Variants in DYNC2H1 observed in about 807,000 individuals in gnomAD.
DYNC2H1 encodes dynein cytoplasmic 2 heavy chain 1, also known as cytoplasmic dynein 2 heavy chain 1.
Under a neutral mutation model 570.0 loss-of-function variants are expected in DYNC2H1, and 410 were observed. That is an observed-to-expected ratio of 0.72 (90% confidence interval 0.66 to 0.78). The LOEUF is 0.78. Among genes scored for constraint, DYNC2H1 ranks in the 30% least tolerant of loss-of-function variants. The pLI is 0.00. For missense variants in DYNC2H1, 4,865 were observed against 5,046.4 expected, an observed-to-expected ratio of 0.96 and a Z score of 1.09; for synonymous variants, 1,688 against 1,677.6, an observed-to-expected ratio of 1.01 and a Z score of -0.15.
At chr11:103,340,311 G>C (rs1939381539) in intron 82 of DYNC2H1, among the ~76,000 whole-genome samples, 1 of 152,020 alleles carries the variant, frequency 6.6e-6, no homozygotes, top group Admixed American at 6.6e-5. Flanking sequence ...GCATTCTACA[G>C]ATAGGGAAGC....
intron 85 of DYNC2H1, among the ~76,000 whole-genome samples, chr11:103,449,516 T>C (rs1944528875): frequency 6.6e-6 from 1 of 152,206 alleles, no homozygotes; most frequent in Non-Finnish European, 1.5e-5. Context: ...AATTGATCCA[T>C]TGTTTAAAGA....
chr11:103,404,622 G>C (rs969984207), intron 84 of DYNC2H1: 1 of 150,168 alleles, frequency 6.7e-6, no homozygotes, highest in Non-Finnish European at 1.5e-5. Context: ...GTGGATTTTA[G>C]CCTATCTGAT....
intron 70 of DYNC2H1, among the ~76,000 whole-genome samples, chr11:103,267,389 A>G (rs1016513719): frequency 6.7e-6 from 1 of 148,500 alleles, no homozygotes; most frequent in Non-Finnish European, 1.5e-5. Context: ...CACTCTGTAT[A>G]TTTTCCTTGT....
At chr11:103,414,799 A>AAAAT (rs1367493330) in intron 84 of DYNC2H1, among the ~76,000 whole-genome samples, 4 of 152,220 alleles carry the variant, frequency 2.6e-5, no homozygotes, top group South Asian at 2.1e-4. Context: ...CAAAGAGAGT[A>AAAAT]AAATACCTAA....
chr11:103,316,595 C>T lies in DYNC2H1; in HGVS notation c.11700C>T (p.Tyr3900=). Residue 3900 remains tyrosine, a synonymous_variant, in exon 80 of 89, where the codon TAC becomes TAT. Coordinates refer to ENST00000375735, the MANE Select transcript of DYNC2H1 (RefSeq NM_001377.3). The part of the protein sequence containing the change: ...EFSLSDLRAG[Y]NIIDRLFDGA... The stretch of plus-strand genomic sequence containing the variant: ...CTTTATCAGATCTTCGGGCTGGGTA[C>T]AACATTATTGACAGACTTTTTGATG... 1.3e-6 allele frequency: 2 copies of T among 1,552,196 alleles called. No homozygotes were observed. Among genetic ancestry groups the T allele is most frequent in the South Asian group, 1.3e-5 (1 of 79,026 alleles).
At chr11:103,235,591 T>A in intron 61 of DYNC2H1, 81 bp from the exon 62 acceptor site, 1 of 1,349,544 alleles carries the variant, frequency 7.4e-7, no homozygotes, top group Non-Finnish European at 9.7e-7. Flanking sequence ...CCCCTCACAG[T>A]CAAAACCATA....
chr11:103,111,623 A>G (rs1216790737), intron 1 of DYNC2H1, among the ~76,000 whole-genome samples: 1 of 152,212 alleles, frequency 6.6e-6, no homozygotes, highest in African/African-American at 2.4e-5. Context: ...GCAGTAGGAA[A>G]GATGGAAAGG....
rs1199273696 is a variant in DYNC2H1 at position 103,215,695 on chromosome 11, TG to T, written c.8695-25del. Reference sequence around the variant, plus strand: ...GTGTAAAATTCCTTTTTTAAAATATTGCCGATCAATATTTTATTGATGTAGG... The same window carrying T: ...GTGTAAAATTCCTTTTTTAAAATATTCCGATCAATATTTTATTGATGTAGG... On this transcript the variant is annotated intron_variant, in intron 54 of 88. Coordinates refer to ENST00000375735, the MANE Select transcript of DYNC2H1 (RefSeq NM_001377.3). The T allele has an allele frequency of 3.2e-6, 5 of 1,540,576 alleles. No homozygotes were observed. The African/African-American group carries it at 6.9e-5, about 21-fold the overall frequency.
At chr11:103,234,829 T>C (rs1001346767) in intron 61 of DYNC2H1, among the ~76,000 whole-genome samples, 2 of 151,974 alleles carry the variant, frequency 1.3e-5, no homozygotes, top group African/African-American at 4.8e-5. Context: ...AAACCCAACA[T>C]GTCTAAATTA....
chr11:103,118,579 A>G (rs896365663), intron 6 of DYNC2H1, among the ~76,000 whole-genome samples: 7 of 152,086 alleles, frequency 4.6e-5, no homozygotes, highest in African/African-American at 1.2e-4. Context: ...CTTAAAACAT[A>G]ACCACAATGC....
chr11:103,303,095 C>G lies in DYNC2H1; in HGVS notation c.11098C>G (p.Leu3700Val). ...MALFACKTLGLKEVSPLPLNL... is the reference protein window; with the variant it reads ...MALFACKTLGVKEVSPLPLNL... ...AATTTTTAAAATATATATTTTAGGA[C>G]TGAAAGAGGTGTCCCCACTGCCTCT... The change falls in exon 76 of 89, where the codon CTG (leucine) becomes GTG (valine). Residue 3700 changes from leucine (L) to valine (V), a missense_variant and splice_region_variant. Leu to Val is a conservative substitution (Grantham distance 32). Transcript: ENST00000375735. 1 of 1,514,984 alleles carries G rather than the reference C, an allele frequency of 6.6e-7. No homozygotes were observed. Among genetic ancestry groups the G allele is most frequent in the Non-Finnish European group, 8.8e-7 (1 of 1,132,008 alleles). 93.8% of individuals were successfully genotyped at this position (1,514,984 alleles called of 1,614,324 possible). A position where few individuals can be genotyped will look rare whatever the true frequency, so the allele number is the denominator to read the frequency against.
rs12288481 is a variant in DYNC2H1 at position 103,151,563 on chromosome 11, C to G, written c.2947-573C>G. Among the ~76,000 whole-genome samples, 1 of 152,062 alleles carries G rather than the reference C, an allele frequency of 6.6e-6. No homozygotes were observed. The highest frequency in any genetic ancestry group is 2.1e-4 in the South Asian group (1 of 4,826). ...CTTAGAGGCAATTCCAGCAGTTTAG[C>G]ACCCATTGACCTACACCCAAACTGT... is the stretch of plus-strand genomic sequence containing the variant. On this transcript the variant is annotated intron_variant, in intron 20 of 88. Transcript: ENST00000375735. This position sits in a 1 kb window ranked among gnomAD's most constrained non-coding sequence, Gnocchi z 4.6.
Position 103,186,149 on chromosome 11 carries a change from A to C in DYNC2H1, c.6634-93A>C, listed in dbSNP as rs969632300. The C allele has an allele frequency of 8.0e-7, 1 of 1,252,718 alleles. No homozygotes were observed. Among genetic ancestry groups the C allele is most frequent in the East Asian group, 2.5e-5 (1 of 39,470 alleles). The allele number at this position is 1,252,718 out of a possible 1,614,324, so 77.6% of individuals were successfully genotyped here. ...TATGTAAAGTTTTCTTGGAACTAAGATGATTTACTTTTGGGATATTTACTT... is the reference window on the plus strand; with the variant it reads ...TATGTAAAGTTTTCTTGGAACTAAGCTGATTTACTTTTGGGATATTTACTT... On this transcript the variant is annotated intron_variant, in intron 41 of 88. Transcript: ENST00000375735. The surrounding 1 kb of genome is among the most constrained non-coding windows in gnomAD (Gnocchi z 4.5).
rs2135218120 is a variant in DYNC2H1 at position 103,241,507 on chromosome 11, T to C, written c.9820-2186T>C. On this transcript the variant is annotated intron_variant, in intron 63 of 88. Coordinates refer to ENST00000375735, the MANE Select transcript of DYNC2H1 (RefSeq NM_001377.3). This position sits in a 1 kb window ranked among gnomAD's most constrained non-coding sequence, Gnocchi z 5.1. ...ACATTTTGAAATGTTACCTTTCTTC[T>C]TTTCATTTAACTGCATCAGATCATT... is the stretch of plus-strand genomic sequence containing the variant. The C allele has an allele frequency of 1.1e-5, 18 of 1,592,204 alleles. No individual in the cohort carries two copies. The highest frequency in any genetic ancestry group is 1.5e-5 in the Non-Finnish European group (18 of 1,163,774).
intron 82 of DYNC2H1, among the ~76,000 whole-genome samples, chr11:103,336,484 A>G (rs143292799): frequency 3.8e-4 from 52 of 137,638 alleles, no homozygotes; most frequent in African/African-American, 1.3e-3. Context: ...ATCCTCTGGT[A>G]ACTGTTATTC....
In DYNC2H1 at chr11:103,316,565, ATTTTC is replaced by A; in HGVS notation, c.11674_11678del (p.Ser3892IlefsTer11). On this transcript the variant is annotated frameshift_variant, in exon 80 of 89. Coordinates refer to ENST00000375735, the MANE Select transcript of DYNC2H1 (RefSeq NM_001377.3). LOFTEE classifies it high-confidence loss of function. The stretch of plus-strand genomic sequence containing the variant: ...GACAGGGTTGGACAAAGTTTTATGA[ATTTTC>A]TTTATCAGATCTTCGGGCTGGGTAC... 6.4e-7 allele frequency: 1 copy of A among 1,558,798 alleles called. No homozygotes were observed. Among genetic ancestry groups the A allele is most frequent in the Non-Finnish European group, 8.7e-7 (1 of 1,152,878 alleles).
At chr11:103,359,019 G>T (rs1039253714) in intron 83 of DYNC2H1, among the ~76,000 whole-genome samples, 4 of 152,152 alleles carry the variant, frequency 2.6e-5, no homozygotes, top group Non-Finnish European at 5.9e-5. Context: ...TTGTTGGAAA[G>T]TTTCCTTCTC....
Position 103,473,979 on chromosome 11 carries a change from A to T in DYNC2H1, c.12766-5116A>T, listed in dbSNP as rs148337510. ...CTTTATATTTTGTATAGATGTTAAA[A>T]TATCACATATATCAGAAGATATGTG... On this transcript the variant is annotated intron_variant, in intron 88 of 88. Coordinates refer to ENST00000375735, the MANE Select transcript of DYNC2H1 (RefSeq NM_001377.3). 1,080 of 156,036 alleles carry T rather than the reference A, an allele frequency of 6.9e-3. 15 individuals carry two copies. Among genetic ancestry groups the T allele is most frequent in the African/African-American group, 0.024 (1,001 of 41,648 alleles). The allele number at this position is 156,036 out of a possible 1,614,324, so 9.7% of individuals were successfully genotyped here.
chr11:103,260,045 T>C, intron 70 of DYNC2H1, 68 bp downstream of exon 70: 1 of 942,018 alleles, frequency 1.1e-6, no homozygotes, highest in Non-Finnish European at 1.5e-6. Flanking sequence ...ATATTTATAG[T>C]TATAGTATAA....
Sources: gnomAD v4.1 joint callset for allele counts (sites outside exome capture counted in the v4.1 genomes callset) on GRCh38, gnomAD v4.1.1 for gene constraint, Gnocchi (gnomAD v3.1) non-coding constraint, MANE v1.5 for transcripts, NCBI Gene and HGNC (gene_info 2026-07-23, HGNC 2026-07-21) for gene names.